Variants in ANKIB1 observed in about 807,000 individuals in gnomAD.
The protein encoded by ANKIB1 is ankyrin repeat and IBR domain-containing protein 1.
ANKIB1 carries 43 observed loss-of-function variants against 122.1 expected under a neutral mutation model. That is an observed-to-expected ratio of 0.35 (90% CI 0.28 to 0.45). The LOEUF (loss-of-function observed/expected upper bound fraction) is 0.45, where lower values mean the gene tolerates loss of function less well. Ranked by LOEUF, ANKIB1 falls within the 20% of genes least tolerant of loss-of-function variation. ANKIB1 has a pLI of 1.00. For missense variants in ANKIB1, 992 were observed against 1,329.5 expected (o/e 0.75, Z 3.95); for synonymous variants, 390 against 442.0 (o/e 0.88, Z 1.48).
chr7:92,395,189 G>A (rs770792850), intron 17 of ANKIB1, among the ~76,000 whole-genome samples: 2 of 152,132 alleles, frequency 1.3e-5, no homozygotes, highest in Non-Finnish European at 2.9e-5. Flanking sequence ...GTCCCAGGTT[G>A]TACCCTCTGG....
At chr7:92,312,291 G>C (rs930050947) in intron 3 of ANKIB1, among the ~76,000 whole-genome samples, 1 of 152,150 alleles carries the variant, frequency 6.6e-6, no homozygotes, top group Non-Finnish European at 1.5e-5. Context: ...TAAAAATAAT[G>C]CAAAGGAGTA....
At chr7:92,296,018 C>T (rs1585093607) in intron 2 of ANKIB1, among the ~76,000 whole-genome samples, 1 of 152,114 alleles carries the variant, frequency 6.6e-6, no homozygotes, top group African/African-American at 2.4e-5. Flanking sequence ...AACTAGTATT[C>T]AGAGCTCTTT....
intron 1 of ANKIB1, chr7:92,294,592 A>G (rs1802313994): frequency 3.6e-6 from 1 of 275,810 alleles, no homozygotes; most frequent in South Asian, 1.7e-4. Context: ...ATTTTCTGCC[A>G]TGTGAAGAGG....
chr7:92,280,241 A>T (rs1047151450), intron 1 of ANKIB1, among the ~76,000 whole-genome samples: 1 of 152,258 alleles, frequency 6.6e-6, no homozygotes, highest in African/African-American at 2.4e-5. Context: ...TCCAGATGCA[A>T]TGCCCACAAA....
rs929568628 is a variant in ANKIB1, at chr7:92,397,375, A to C, written c.2396-348A>C. ...GTGGTGCACATCTGTAGTCCCAACC[A>C]CTCGAGAGGCTGAGGCAGGAGAATC... On this transcript the variant is annotated intron_variant, in intron 18 of 19. Transcript: ENST00000265742. 3.3e-5 allele frequency among the ~76,000 whole-genome samples: 5 copies of C among 151,644 alleles called. No individual in the cohort carries two copies. The East Asian group carries it at 9.7e-4, about 29-fold the overall frequency.
chr7:92,304,644 C>A (rs1042194200), intron 2 of ANKIB1, among the ~76,000 whole-genome samples: 2 of 152,036 alleles, frequency 1.3e-5, no homozygotes, highest in Non-Finnish European at 2.9e-5. Context: ...TAATTTCTTT[C>A]TTAATTAAAT....
At chr7:92,266,416 A>G (rs984705553) in intron 1 of ANKIB1, among the ~76,000 whole-genome samples, 1 of 152,196 alleles carries the variant, frequency 6.6e-6, no homozygotes, top group African/African-American at 2.4e-5. Context: ...GGGAGCAACC[A>G]TTACCACTAG....
intron 1 of ANKIB1, 21 bp downstream of exon 1, chr7:92,246,540 A>G (rs1311635380): frequency 1.9e-6 from 1 of 517,384 alleles, no homozygotes; most frequent in Admixed American, 1.9e-5. Flanking sequence ...GCTTCGCGGT[A>G]CAGATGTGTT....
chr7:92,396,398 A>C lies in ANKIB1; in HGVS notation c.2317A>C (p.Arg773=). Residue 773 remains arginine (R), a synonymous_variant, in exon 18 of 20, where the codon AGA becomes CGA. Transcript: ENST00000265742. ...YAEFQYRRRH[R]QRRRGDVHSL... ...TGAATTTCAGTATCGGAGGAGGCAC[A>C]GACAACGTCGTCGAGGAGATGTTCA... is the stretch of plus-strand genomic sequence containing the variant. 1 of 1,596,572 alleles carries C rather than the reference A, an allele frequency of 6.3e-7. No homozygotes were observed. The highest frequency in any genetic ancestry group is 1.1e-5 in the South Asian group (1 of 87,552).
intron 1 of ANKIB1, among the ~76,000 whole-genome samples, chr7:92,248,974 G>A (rs1440661640): frequency 1.4e-5 from 2 of 140,008 alleles, no homozygotes; most frequent in Non-Finnish European, 3.0e-5. Context: ...TACAACCTCC[G>A]CCTCCTGGGG....
intron 11 of ANKIB1, among the ~76,000 whole-genome samples, chr7:92,374,080 C>G (rs1378256022): frequency 6.6e-6 from 1 of 152,046 alleles, no homozygotes; most frequent in Non-Finnish European, 1.5e-5. Context: ...ACTCATGGAG[C>G]ACTCACAAAA....
chr7:92,383,533 T>C (rs1208835906), intron 11 of ANKIB1, among the ~76,000 whole-genome samples: 1 of 152,070 alleles, frequency 6.6e-6, no homozygotes, highest in African/African-American at 2.4e-5. Flanking sequence ...ATCAAAAAGC[T>C]TATCCACCAA....
At chr7:92,337,756 G>C (rs777298258) in intron 5 of ANKIB1, among the ~76,000 whole-genome samples, 5 of 152,078 alleles carry the variant, frequency 3.3e-5, no homozygotes, top group Non-Finnish European at 7.3e-5. Flanking sequence ...TAACAAACCT[G>C]ATTATCTCAG....
intron 11 of ANKIB1, among the ~76,000 whole-genome samples, chr7:92,383,842 G>A (rs1027765374): frequency 6.6e-6 from 1 of 152,156 alleles, no homozygotes; most frequent in Non-Finnish European, 1.5e-5. Flanking sequence ...AGACAGGGAT[G>A]CCCTCTCTCA....
In ANKIB1 at chr7:92,400,560, G is replaced by A. The variant is rs1205475923; in HGVS notation, c.*1611G>A. 2.0e-5 allele frequency: 3 copies of A among 152,060 alleles called. No homozygotes were observed. Among genetic ancestry groups the A allele is most frequent in the Non-Finnish European group, 4.4e-5 (3 of 68,004 alleles). 9.4% of individuals were successfully genotyped at this position (152,060 alleles called of 1,614,324 possible). On this transcript the variant is annotated 3_prime_UTR_variant, in exon 20 of 20. Coordinates refer to ENST00000265742, the MANE Select transcript of ANKIB1 (RefSeq NM_019004.2). ...GTTATATTAATATTGTTATCCACAA[G>A]AGATGTGATTATGGGTTTTGATTAC...
intron 5 of ANKIB1, among the ~76,000 whole-genome samples, chr7:92,338,477 TTTGAG>T (rs143216635): frequency 0.034 from 5,186 of 151,956 alleles, 253 homozygotes; most frequent in African/African-American, 0.11. Context: ...TTATTAAATG[TTTGAG>T]TTATGTGTAT....
chr7:92,290,824 T>A lies in ANKIB1; in HGVS notation c.-90-4065T>A, dbSNP rs1585090995. On this transcript the variant is annotated intron_variant, in intron 1 of 19. Transcript: ENST00000265742. ...TGTGGGAGTTGAAAGTTAAAATAAT[T>A]GAAGCCATGGAGATAGAAAGTAGAA... 2.6e-5 allele frequency among the ~76,000 whole-genome samples: 4 copies of A among 152,206 alleles called. No individual in the cohort carries two copies. In the South Asian group the frequency reaches 8.3e-4, roughly 32 times the overall value.
chr7:92,338,886 T>C (rs1340600789), intron 5 of ANKIB1, among the ~76,000 whole-genome samples: 3 of 103,658 alleles, frequency 2.9e-5, no homozygotes, highest in Non-Finnish European at 5.2e-5. Flanking sequence ...CACTCCAGCC[T>C]GGGCGACAGA....
chr7:92,348,091 A>G (rs1158105110), intron 7 of ANKIB1: 2 of 359,150 alleles, frequency 5.6e-6, no homozygotes, highest in Non-Finnish European at 1.1e-5. Context: ...TTTTTATTAA[A>G]TTGTGTCTTG....
Sources: gnomAD v4.1 joint callset for allele counts (sites outside exome capture counted in the v4.1 genomes callset) on GRCh38, gnomAD v4.1.1 for gene constraint, MANE v1.5 for transcripts, NCBI Gene and HGNC (gene_info 2026-07-23, HGNC 2026-07-21) for gene names.